The following EPHA6 variants were observed in gnomAD, a reference collection of about 807,000 sequenced individuals.
EPHA6 encodes ephrin type-A receptor 6.
Under a neutral mutation model 112.0 loss-of-function variants are expected in EPHA6, and 50 were observed. The observed-to-expected ratio is 0.45, with a 90% CI of 0.36 to 0.56. EPHA6 has a LOEUF of 0.56. Ranked by LOEUF, EPHA6 falls within the 20% of genes least tolerant of loss-of-function variation. The probability of loss-of-function intolerance (pLI) is 0.00; values close to 1 mark genes in which losing one functional copy is unlikely to be tolerated. For synonymous variants in EPHA6, 529 were observed against 490.7 expected (o/e 1.08, Z -1.03); for missense variants, 1,280 against 1,417.4 (o/e 0.90, Z 1.56).
chr3:97,445,467 C>T (rs915517725), intron 6 of EPHA6, among the ~76,000 whole-genome samples: 3 of 152,048 alleles, frequency 2.0e-5, no homozygotes, highest in African/African-American at 7.2e-5. Flanking sequence ...TTAAATCATA[C>T]TTTTAGATAT....
chr3:97,195,998 C>T lies in EPHA6; in HGVS notation c.1115-30266C>T, dbSNP rs79288385. Among the ~76,000 whole-genome samples, 1,228 of 151,794 alleles carry T rather than the reference C, an allele frequency of 8.1e-3. 17 individuals carry two copies. Among genetic ancestry groups the T allele is most frequent in the African/African-American group, 0.026 (1,097 of 41,430 alleles). ...AGTTACATATGCTTGGTGTTCTATA[C>T]CCTTCTTGTGTATTGATATCTTTCT... On this transcript the variant is annotated intron_variant, in intron 3 of 17. Transcript: ENST00000389672.
intron 3 of EPHA6, among the ~76,000 whole-genome samples, chr3:97,038,516 C>T (rs564092118): frequency 5.3e-5 from 8 of 152,138 alleles, no homozygotes; most frequent in Non-Finnish European, 1.0e-4. Flanking sequence ...GAATAATAGT[C>T]TATTGTGTAT....
chr3:96,909,486 T>G (rs1007772597), intron 2 of EPHA6, among the ~76,000 whole-genome samples: 1 of 151,926 alleles, frequency 6.6e-6, no homozygotes, highest in Non-Finnish European at 1.5e-5. Flanking sequence ...TATGCATGTA[T>G]GAGATTTTAA....
intron 5 of EPHA6, among the ~76,000 whole-genome samples, chr3:97,249,820 T>C (rs1404553936): frequency 2.6e-5 from 4 of 152,228 alleles, no homozygotes; most frequent in African/African-American, 9.6e-5. Flanking sequence ...ATTTGCTGAA[T>C]TCATTAAAAA....
chr3:97,663,389 G>T (rs1343948564), intron 14 of EPHA6, among the ~76,000 whole-genome samples: 2 of 151,622 alleles, frequency 1.3e-5, no homozygotes, highest in African/African-American at 4.9e-5. Flanking sequence ...CAACGTGCAG[G>T]TTTGTTACAT....
chr3:97,570,645 C>T (rs2093323942), intron 11 of EPHA6, among the ~76,000 whole-genome samples: 1 of 151,802 alleles, frequency 6.6e-6, no homozygotes, highest in Non-Finnish European at 1.5e-5. Context: ...CAGATAATTG[C>T]TTGAACCCAG....
intron 14 of EPHA6, among the ~76,000 whole-genome samples, chr3:97,661,218 T>G (rs2107633309): frequency 6.6e-6 from 1 of 152,284 alleles, no homozygotes; most frequent in African/African-American, 2.4e-5. Flanking sequence ...GAAGGATTTT[T>G]GGTATTACAT....
chr3:97,221,977 G>T (rs748728410), intron 3 of EPHA6, among the ~76,000 whole-genome samples: 1 of 150,362 alleles, frequency 6.7e-6, no homozygotes, highest in African/African-American at 2.5e-5. Flanking sequence ...TCAGTGAGCC[G>T]AGATCGCACC....
At chr3:96,990,571 C>T (rs2043177545) in intron 3 of EPHA6, among the ~76,000 whole-genome samples, 1 of 151,918 alleles carries the variant, frequency 6.6e-6, no homozygotes, top group Admixed American at 6.6e-5. Flanking sequence ...ACATGTAAAA[C>T]TATTAACAAC....
intron 3 of EPHA6, among the ~76,000 whole-genome samples, chr3:97,093,896 G>A (rs2047153414): frequency 6.6e-6 from 1 of 152,038 alleles, no homozygotes; most frequent in Non-Finnish European, 1.5e-5. Flanking sequence ...TTTGTATCTA[G>A]GACCTCTGTC....
intron 4 of EPHA6, among the ~76,000 whole-genome samples, chr3:97,231,819 C>G (rs999665319): frequency 2.0e-5 from 3 of 152,122 alleles, no homozygotes; most frequent in Non-Finnish European, 4.4e-5. Flanking sequence ...TCTTTCTGGG[C>G]TTGGTGATGA....
chr3:97,394,728 T>C (rs1000982686), intron 5 of EPHA6, among the ~76,000 whole-genome samples: 1 of 151,776 alleles, frequency 6.6e-6, no homozygotes, highest in African/African-American at 2.4e-5. Flanking sequence ...CAATGAGATA[T>C]TACCTCACCC....
rs1297895896 is a variant in EPHA6, at chr3:96,994,512, A to G, written c.1114+6519A>G. ...TAGCACTATGGAAGAAATAATTGGA[A>G]ACAACATGCAAAATTGAATGCAATT... is the stretch of plus-strand genomic sequence containing the variant. On this transcript the variant is annotated intron_variant, in intron 3 of 17. Transcript: ENST00000389672. 2.6e-5 allele frequency among the ~76,000 whole-genome samples: 4 copies of G among 151,982 alleles called. No homozygotes were observed. The East Asian group carries it at 7.7e-4, about 29-fold the overall frequency.
chr3:97,284,950 ATT>A (rs1396059301), intron 5 of EPHA6, among the ~76,000 whole-genome samples: 1 of 152,016 alleles, frequency 6.6e-6, no homozygotes, highest in Non-Finnish European at 1.5e-5. Flanking sequence ...GTATTTTAAC[ATT>A]TTTCTGGTTT....
chr3:96,952,621 A>G (rs1246381596), intron 2 of EPHA6, among the ~76,000 whole-genome samples: 1 of 152,204 alleles, frequency 6.6e-6, no homozygotes, highest in Admixed American at 6.5e-5. Flanking sequence ...TCCTGTCTCA[A>G]TATTGTTATA....
chr3:97,522,665 A>G (rs897721608), intron 10 of EPHA6, among the ~76,000 whole-genome samples: 1 of 152,174 alleles, frequency 6.6e-6, no homozygotes, highest in South Asian at 2.1e-4. Context: ...CTGTGAAGTA[A>G]TAAAGTCTGG....
intron 2 of EPHA6, among the ~76,000 whole-genome samples, chr3:96,970,287 C>CGA (rs138222062): frequency 1.3e-4 from 19 of 147,676 alleles, no homozygotes; most frequent in East Asian, 2.0e-4. Context: ...ACACACAGAG[C>CGA]GAGAGAGAGA....
intron 3 of EPHA6, among the ~76,000 whole-genome samples, chr3:97,085,321 A>G (rs2046859202): frequency 6.6e-6 from 1 of 152,136 alleles, no homozygotes; most frequent in African/African-American, 2.4e-5. Context: ...TTTTTCTCTC[A>G]GAAGATCATT....
At chr3:97,649,742 G>GA (rs1358545523) in intron 14 of EPHA6, among the ~76,000 whole-genome samples, 1 of 149,144 alleles carries the variant, frequency 6.7e-6, no homozygotes. Flanking sequence ...TGCCACTTGG[G>GA]AAAAAACAAC....
Sources: allele counts gnomAD v4.1 joint callset (sites outside exome capture counted in the v4.1 genomes callset), GRCh38; gene constraint gnomAD v4.1.1; transcripts MANE v1.5; gene names NCBI Gene and HGNC (gene_info 2026-07-23, HGNC 2026-07-21).